The following ANO2 variants were observed in gnomAD, a reference collection of about 807,000 sequenced individuals.
ANO2 encodes the protein anoctamin 2.
ANO2 carries 101 observed loss-of-function variants against 124.2 expected under a neutral mutation model. The observed-to-expected ratio is 0.81, with a 90% CI of 0.69 to 0.96. The LOEUF (loss-of-function observed/expected upper bound fraction) is 0.96. Among genes scored for constraint, ANO2 ranks in the 40% least tolerant of loss-of-function variants. The probability of loss-of-function intolerance (pLI) is 0.00; values close to 1 mark genes in which losing one functional copy is unlikely to be tolerated. For missense variants in ANO2, 1,293 were observed against 1,274.5 expected, an observed-to-expected ratio of 1.01 and a Z score of -0.22; for synonymous variants, 486 against 482.5, an observed-to-expected ratio of 1.01 and a Z score of -0.09.
intron 14 of ANO2, among the ~76,000 whole-genome samples, chr12:5,668,743 C>T (rs1021852428): frequency 6.6e-6 from 1 of 152,078 alleles, no homozygotes; most frequent in Non-Finnish European, 1.5e-5. Flanking sequence ...GAAAGGGGTC[C>T]AGTTTCAATT....
At position 5,912,401 on chromosome 12, in the gene ANO2, T is replaced by C. The variant is rs79369250; in HGVS notation, c.534+8639A>G. Among the ~76,000 whole-genome samples the C allele has an allele frequency of 2.3e-3, 355 of 152,248 alleles. 2 individuals are homozygous for C. Among genetic ancestry groups the C allele is most frequent in the African/African-American group, 8.1e-3 (338 of 41,546 alleles). On this transcript the variant is annotated intron_variant, in intron 3 of 24. Transcript: ENST00000682330. The stretch of plus-strand genomic sequence containing the variant: ...TTTCCTAGTCGGTGAGAAGGGACAT[T>C]AGCTGCTCTAACCTCCTCAGGGTTG...
intron 14 of ANO2, among the ~76,000 whole-genome samples, chr12:5,679,825 G>A (rs1486664021): frequency 6.6e-6 from 1 of 152,130 alleles, no homozygotes; most frequent in Non-Finnish European, 1.5e-5. Context: ...CTATTATAAA[G>A]ACACATGCAC....
At chr12:5,934,520 C>A (rs1305304137) in intron 1 of ANO2, among the ~76,000 whole-genome samples, 1 of 152,150 alleles carries the variant, frequency 6.6e-6, no homozygotes, top group Non-Finnish European at 1.5e-5. Context: ...CTCTCAATGA[C>A]AAAATTTACA....
chr12:5,853,126 T>C (rs1016197530), intron 4 of ANO2, among the ~76,000 whole-genome samples: 1 of 151,700 alleles, frequency 6.6e-6, no homozygotes, highest in Non-Finnish European at 1.5e-5. Context: ...CTAGATTTTG[T>C]TATGCAAGGA....
chr12:5,780,510 G>A (rs1281926020), intron 10 of ANO2, among the ~76,000 whole-genome samples: 1 of 152,216 alleles, frequency 6.6e-6, no homozygotes. Context: ...CATCACAGAA[G>A]AAAACAGAGA....
intron 3 of ANO2, among the ~76,000 whole-genome samples, chr12:5,880,858 A>ATGGATC (rs1938443063): frequency 1.1e-5 from 1 of 92,550 alleles, no homozygotes; most frequent in South Asian, 4.1e-4. Flanking sequence ...GTGGGTGGAT[A>ATGGATC]GATGGATGAG....
At chr12:5,570,077 T>C (rs1164624991) in intron 23 of ANO2, among the ~76,000 whole-genome samples, 3 of 152,252 alleles carry the variant, frequency 2.0e-5, no homozygotes, top group Non-Finnish European at 2.9e-5. Context: ...ATGAAAGTGA[T>C]ACAGAAATCA....
chr12:5,941,728 T>A (rs776753766), intron 1 of ANO2, among the ~76,000 whole-genome samples: 17 of 148,294 alleles, frequency 1.1e-4, no homozygotes, highest in Admixed American at 3.4e-4. Context: ...AAACCAAAAC[T>A]GAATATCAAA....
chr12:5,822,225 G>GT (rs1186227666), intron 7 of ANO2, among the ~76,000 whole-genome samples: 11 of 152,222 alleles, frequency 7.2e-5, no homozygotes, highest in African/African-American at 2.7e-4. Context: ...CCAATGGTTT[G>GT]GTTGGATGGT....
chr12:5,821,698 T>G (rs996485448), intron 7 of ANO2, among the ~76,000 whole-genome samples: 2 of 152,196 alleles, frequency 1.3e-5, no homozygotes. Context: ...TGATGGAAAC[T>G]GAACGTTTGA....
intron 10 of ANO2, among the ~76,000 whole-genome samples, chr12:5,788,416 G>A (rs1033408340): frequency 2.0e-5 from 3 of 152,214 alleles, no homozygotes; most frequent in Admixed American, 1.3e-4. Flanking sequence ...CCAGTAGGAT[G>A]ATAAATTATC....
chr12:5,565,600 C>G lies in ANO2; in HGVS notation c.2685G>C (p.Trp895Cys), dbSNP rs747655609. ...AAGCCAGACGGGCGGACAGAATAAA[C>G]CAGTACTGTTTCGAAAACTCATAAG... ...PNPYEFSKQYWFILSARLAFV... is the reference protein window; with the variant it reads ...PNPYEFSKQYCFILSARLAFV... Residue 895 changes from tryptophan to cysteine, a missense_variant, in exon 24 of 25, where the codon TGG (tryptophan) becomes TGC (cysteine). Coordinates refer to ENST00000682330, the MANE Select transcript of ANO2 (RefSeq NM_001364791.2). 6.2e-7 allele frequency: 1 copy of G among 1,606,358 alleles called. No homozygotes were observed. Among genetic ancestry groups the G allele is most frequent in the East Asian group, 2.2e-5 (1 of 44,676 alleles).
chr12:5,729,995 G>A (rs1052920103), intron 14 of ANO2, among the ~76,000 whole-genome samples: 4 of 152,122 alleles, frequency 2.6e-5, no homozygotes, highest in Non-Finnish European at 4.4e-5. Flanking sequence ...CCCACGGCTT[G>A]GCAACTATTG....
intron 23 of ANO2, among the ~76,000 whole-genome samples, chr12:5,568,200 C>A (rs868208396): frequency 5.9e-5 from 8 of 136,686 alleles, no homozygotes. Context: ...AGTGCAGGAA[C>A]GTGATCTCGG....
At chr12:5,637,096 C>A (rs908184048) in intron 15 of ANO2, among the ~76,000 whole-genome samples, 1 of 151,898 alleles carries the variant, frequency 6.6e-6, no homozygotes, top group Admixed American at 6.6e-5. Flanking sequence ...GGCAGAAACA[C>A]CAGCCTCCAG....
Position 5,578,530 on chromosome 12 carries a change from C to T in ANO2, c.2234-12G>A. The T allele has an allele frequency of 6.2e-7, 1 of 1,610,398 alleles. No homozygotes were observed. The highest frequency in any genetic ancestry group is 2.2e-5 in the East Asian group (1 of 44,712). On this transcript the variant is annotated splice_polypyrimidine_tract_variant and intron_variant, in intron 20 of 24. Transcript: ENST00000682330. Reference sequence around the variant, plus strand: ...ACCAAACTGGATGACTGCGAGAGAGCACAGCATGAGGGCTTCAGCAGGAAC... The same window carrying T: ...ACCAAACTGGATGACTGCGAGAGAGTACAGCATGAGGGCTTCAGCAGGAAC...
chr12:5,633,075 G>C (rs149816053), intron 16 of ANO2, among the ~76,000 whole-genome samples: 3 of 152,194 alleles, frequency 2.0e-5, no homozygotes, highest in Non-Finnish European at 4.4e-5. Context: ...TCCTCCATGC[G>C]GTGGGAGTGT....
intron 3 of ANO2, among the ~76,000 whole-genome samples, chr12:5,861,197 C>G (rs1430544491): frequency 6.6e-6 from 1 of 152,156 alleles, no homozygotes; most frequent in Non-Finnish European, 1.5e-5. Flanking sequence ...CAGCTAATTA[C>G]AAGCAGATCC....
In ANO2 at chr12:5,871,873, G is replaced by A. The variant is rs1182355044; in HGVS notation, c.535-17732C>T. ...GTCTCCTAAACTCATAGCCCAGAAA[G>A]AGACCCTCTGTGGTTGGGCTGGAAA... On this transcript the variant is annotated intron_variant, in intron 3 of 24. Transcript: ENST00000682330. 3.3e-5 allele frequency among the ~76,000 whole-genome samples: 5 copies of A among 152,196 alleles called. No homozygotes were observed. In the East Asian group the frequency reaches 7.7e-4, roughly 23 times the overall value.
Sources: gnomAD v4.1 joint callset for allele counts (sites outside exome capture counted in the v4.1 genomes callset) on GRCh38, gnomAD v4.1.1 for gene constraint, MANE v1.5 for transcripts, NCBI Gene and HGNC (gene_info 2026-07-23, HGNC 2026-07-21) for gene names.